ARFIP1: variants seen among roughly 807,000 people sequenced by gnomAD.
The protein encoded by ARFIP1 is ARF interacting protein 1.
ARFIP1 carries 24 observed loss-of-function variants against 42.5 expected under a neutral mutation model. The ratio of observed to expected loss-of-function variants is 0.57; its 90% CI spans 0.41 to 0.80. The LOEUF (loss-of-function observed/expected upper bound fraction) is 0.80. Ranked by LOEUF, ARFIP1 falls within the 30% of genes least tolerant of loss-of-function variation. ARFIP1 has a pLI of 0.00. For synonymous variants in ARFIP1, 141 were observed against 153.7 expected (o/e 0.92, Z 0.61); for missense variants, 354 against 434.0 (o/e 0.82, Z 1.64).
At position 152,904,338 on chromosome 4, in the gene ARFIP1, C is replaced by T. The variant is rs1463899670; in HGVS notation, c.967-5726C>T. Among the ~76,000 whole-genome samples the T allele has an allele frequency of 3.3e-5, 5 of 151,856 alleles. No individual in the cohort carries two copies. The South Asian group carries it at 6.3e-4, about 19-fold the overall frequency. ...TCCCGAGTTGCTGGGACTACAGGTG[C>T]GTGCCACCACGCCCGGCTCATTTTT... On this transcript the variant is annotated intron_variant, in intron 8 of 8. Transcript: ENST00000353617.
rs371513370 is a variant in ARFIP1, at chr4:152,800,752, G to A, written c.-10+20526G>A. Among the ~76,000 whole-genome samples, 38 of 152,174 alleles carry A rather than the reference G, an allele frequency of 2.5e-4. No homozygotes were observed. In the East Asian group the frequency reaches 5.2e-3, roughly 21 times the overall value. ...AACTCAGACATCTAAAAAGTGAAAC[G>A]AGTACAGATCCTGCATCCAAGGTCG... On this transcript the variant is annotated intron_variant, in intron 1 of 8. Coordinates refer to ENST00000353617, the MANE Select transcript of ARFIP1 (RefSeq NM_001025595.3).
chr4:152,800,135 A>G (rs1022095358), intron 1 of ARFIP1, among the ~76,000 whole-genome samples: 8 of 152,208 alleles, frequency 5.3e-5, no homozygotes, highest in Admixed American at 2.6e-4. Context: ...TAAAAGCATT[A>G]TATGAGTTTA....
chr4:152,897,346 T>G (rs1402813612), intron 8 of ARFIP1, among the ~76,000 whole-genome samples: 2 of 152,052 alleles, frequency 1.3e-5, no homozygotes, highest in Non-Finnish European at 2.9e-5. Context: ...TATGCTAAGA[T>G]TCCGGCATGA....
intron 5 of ARFIP1, among the ~76,000 whole-genome samples, chr4:152,880,204 T>G (rs1735714290): frequency 6.6e-6 from 1 of 151,840 alleles, no homozygotes; most frequent in Non-Finnish European, 1.5e-5. Context: ...TTAGCTGGGC[T>G]TGGTGGCGCA....
At chr4:152,827,944 G>GA (rs1338353048) in intron 1 of ARFIP1, among the ~76,000 whole-genome samples, 1 of 152,184 alleles carries the variant, frequency 6.6e-6, no homozygotes, top group African/African-American at 2.4e-5. Context: ...AAAATGTTGG[G>GA]ATTACAGACA....
At chr4:152,809,752 T>G (rs1729298207) in intron 1 of ARFIP1, 1 of 152,372 alleles carries the variant, frequency 6.6e-6, no homozygotes, top group Admixed American at 6.5e-5. Flanking sequence ...TATGCTCATA[T>G]TTTTAATTTT....
At chr4:152,844,505 T>C (rs1174924644) in intron 2 of ARFIP1, among the ~76,000 whole-genome samples, 1 of 152,162 alleles carries the variant, frequency 6.6e-6, no homozygotes, top group Non-Finnish European at 1.5e-5. Context: ...TTTTTAAAGA[T>C]TCCCTTGCAA....
At chr4:152,851,798 G>A (rs1733003348) in intron 2 of ARFIP1, among the ~76,000 whole-genome samples, 1 of 152,134 alleles carries the variant, frequency 6.6e-6, no homozygotes, top group South Asian at 2.1e-4. Flanking sequence ...TTCATGTGTT[G>A]GTTTTACACT....
At chr4:152,849,264 T>C (rs1350935513) in intron 2 of ARFIP1, among the ~76,000 whole-genome samples, 2 of 151,878 alleles carry the variant, frequency 1.3e-5, no homozygotes, top group African/African-American at 4.8e-5. Context: ...ACAAAAGCTA[T>C]TAGTAATATG....
chr4:152,892,204 G>A (rs1736918321), intron 8 of ARFIP1, among the ~76,000 whole-genome samples: 1 of 152,010 alleles, frequency 6.6e-6, no homozygotes, highest in African/African-American at 2.4e-5. Flanking sequence ...ACCACATCCT[G>A]CTAGTCATCC....
chr4:152,891,690 ATTTG>A (rs1459441980), intron 8 of ARFIP1, among the ~76,000 whole-genome samples: 2 of 151,692 alleles, frequency 1.3e-5, no homozygotes, highest in East Asian at 3.9e-4. Flanking sequence ...TAGCACTTTA[ATTTG>A]TTTGTTCGTT....
At chr4:152,803,691 T>G (rs893916219) in intron 1 of ARFIP1, among the ~76,000 whole-genome samples, 2 of 152,030 alleles carry the variant, frequency 1.3e-5, no homozygotes, top group Admixed American at 1.3e-4. Context: ...GGTGTCCTAG[T>G]TTAATTCTGC....
At position 152,910,111 on chromosome 4, in the gene ARFIP1, C is replaced by G. The variant is rs200681290; in HGVS notation, c.1014C>G (p.Ala338=). The part of the protein sequence containing the change: ...NQLVLFHNAI[A]AYFAGNQKQL... ...TGGTCCTTTTCCACAATGCCATTGC[C>G]GCTTACTTTGCTGGGAATCAGAAGC... Residue 338 remains alanine, a synonymous_variant, in exon 9 of 9, where the codon GCC becomes GCG. Transcript: ENST00000353617. The G allele has an allele frequency of 2.5e-6, 4 of 1,614,164 alleles. No homozygotes were observed. The Admixed American group carries it at 6.7e-5, about 27-fold the overall frequency.
At chr4:152,833,669 C>G (rs996894714) in intron 2 of ARFIP1, among the ~76,000 whole-genome samples, 10 of 152,150 alleles carry the variant, frequency 6.6e-5, no homozygotes, top group African/African-American at 2.4e-4. Flanking sequence ...CATACACCCA[C>G]AGACAATGCG....
At position 152,882,723 on chromosome 4, in the gene ARFIP1, G is replaced by A; in HGVS notation, c.634G>A (p.Glu212Lys). 1.2e-6 allele frequency: 2 copies of A among 1,612,056 alleles called. No homozygotes were observed. The highest frequency in any genetic ancestry group is 1.7e-6 in the Non-Finnish European group (2 of 1,179,118). The change falls in exon 7 of 9, where the codon GAA (glutamate) becomes AAA (lysine). Residue 212 changes from glutamate (E) to lysine (K), a missense_variant and splice_region_variant. By Grantham distance (56) the Glu-to-Lys change is moderately conservative. Coordinates refer to ENST00000353617, the MANE Select transcript of ARFIP1 (RefSeq NM_001025595.3). ...AATTAAGGTGACTTCTTTGTTTTAG[G>A]AAGAATTTGGCTATAATGCCGATAC... The part of the protein sequence containing the change: ...DLSLKSLELH[E>K]EFGYNADTQK...
chr4:152,804,143 C>CATGTATTATATATTATATATAAG (rs1728695541), intron 1 of ARFIP1, among the ~76,000 whole-genome samples: 1 of 47,704 alleles, frequency 2.1e-5, no homozygotes, highest in African/African-American at 8.3e-5. Context: ...TATAATATAA[C>CATGTATTATATATTATATATAAG]ATGTATTATA....
chr4:152,795,819 A>ATTTTTTTTTTTTTTTT (rs1255846759), intron 1 of ARFIP1, among the ~76,000 whole-genome samples: 1 of 16,774 alleles, frequency 6.0e-5, no homozygotes, highest in Non-Finnish European at 1.2e-4. Flanking sequence ...GGGCCCTTGT[A>ATTTTTTTTTTTTTTTT]ATTTTTTTTT....
In ARFIP1 at chr4:152,819,605, C is replaced by G. The variant is rs1370135525; in HGVS notation, c.-9-10020C>G. ...TATGGGCCCTCAGCGACTGCTACTC[C>G]TAGGGGAAGGGAGTGAGTGAGTGAG... On this transcript the variant is annotated intron_variant, in intron 1 of 8. Coordinates refer to ENST00000353617, the MANE Select transcript of ARFIP1 (RefSeq NM_001025595.3). Among the ~76,000 whole-genome samples the G allele has an allele frequency of 2.0e-5, 3 of 152,148 alleles. No homozygotes were observed. In the East Asian group the frequency reaches 5.8e-4, roughly 29 times the overall value.
chr4:152,872,283 A>G (rs983619320), intron 4 of ARFIP1, among the ~76,000 whole-genome samples, 169 bp from the exon 5 acceptor site: 1 of 152,184 alleles, frequency 6.6e-6, no homozygotes, highest in Non-Finnish European at 1.5e-5. Context: ...TTAAGTAATT[A>G]GGAAACTATC....
Sources: gnomAD v4.1 joint callset for allele counts (sites outside exome capture counted in the v4.1 genomes callset) on GRCh38, gnomAD v4.1.1 for gene constraint, MANE v1.5 for transcripts, NCBI Gene and HGNC (gene_info 2026-07-23, HGNC 2026-07-21) for gene names.